The following NOS2 variants were observed in gnomAD, a reference collection of about 807,000 sequenced individuals.
NOS2 encodes nitric oxide synthase, inducible.
NOS2 carries 96 observed loss-of-function variants against 136.0 expected under a neutral mutation model. That is an observed-to-expected ratio of 0.71 (90% CI 0.60 to 0.84). NOS2 has a LOEUF of 0.84. Ranked by LOEUF, NOS2 falls within the 40% of genes least tolerant of loss-of-function variation. NOS2 has a pLI of 0.00. For missense variants in NOS2, 1,237 were observed against 1,496.9 expected (o/e 0.83, Z 2.87); for synonymous variants, 539 against 587.5 (o/e 0.92, Z 1.20).
At position 27,773,238 on chromosome 17, in the gene NOS2, CT is replaced by C. The variant is rs1293601516; in HGVS notation, c.1481del (p.Glu494GlyfsTer22). The C allele has an allele frequency of 6.2e-7, 1 of 1,613,162 alleles. No individual in the cohort carries two copies. Among genetic ancestry groups the C allele is most frequent in the African/African-American group, 1.3e-5 (1 of 74,994 alleles). ...VLSPFYYYQVEAWKTHVWQDE... is the reference protein window; with the variant it reads ...VLSPFYYYQVXAWKTHVWQDE... Reference sequence around the variant, plus strand: ...CCTGCCAGACATGGGTTTTCCAGGCCTCTACCTTCAGAAAAGAAAGGAGATG... The same window carrying C: ...CCTGCCAGACATGGGTTTTCCAGGCCCTACCTTCAGAAAAGAAAGGAGATG... On this transcript the variant is annotated frameshift_variant, in exon 13 of 27. Transcript: ENST00000313735. LOFTEE classifies it high-confidence loss of function.
chr17:27,760,488 G>A (rs1908082972), intron 24 of NOS2, 135 bp downstream of exon 24: 2 of 1,195,496 alleles, frequency 1.7e-6, no homozygotes, highest in Middle Eastern at 2.3e-4. Flanking sequence ...AACCCGCAGA[G>A]GCCCGCACAG....
At chr17:27,776,145 A>C (rs945098989) in intron 11 of NOS2, among the ~76,000 whole-genome samples, 4 of 152,160 alleles carry the variant, frequency 2.6e-5, no homozygotes, top group African/African-American at 9.6e-5. Flanking sequence ...GACTTGTGAG[A>C]GGGGTGCAAG....
chr17:27,768,874 A>G lies in NOS2; in HGVS notation c.2034+103T>C, dbSNP rs1036437141. The G allele has an allele frequency of 5.4e-5, 69 of 1,269,312 alleles. No homozygotes were observed. The African/African-American group carries it at 9.3e-4, about 17-fold the overall frequency. 78.6% of individuals were successfully genotyped at this position (1,269,312 alleles called of 1,614,324 possible). On this transcript the variant is annotated intron_variant, in intron 17 of 26. Transcript: ENST00000313735. Reference sequence around the variant, plus strand: ...TGCCTGGGACCACATCTACAGGACCACAGGCAGAGGTCATGCCACCTGGGA... The same window carrying G: ...TGCCTGGGACCACATCTACAGGACCGCAGGCAGAGGTCATGCCACCTGGGA...
intron 5 of NOS2, 28 bp from the exon 6 acceptor site, chr17:27,783,134 T>A (rs1908906469): frequency 6.2e-7 from 1 of 1,612,498 alleles, no homozygotes; most frequent in Non-Finnish European, 8.5e-7. Flanking sequence ...AGCAGGAAGA[T>A]CAACAATGAG....
Position 27,762,796 on chromosome 17 carries a change from A to C in NOS2, c.2800+2T>G, listed in dbSNP as rs1597543998. ...GTTCCAGAGCCTCTGCCCCTGGCTC[A>C]CCTCGGGTGTGGTAGGTGACCACGG... On this transcript the variant is annotated splice_donor_variant, in intron 22 of 26. Coordinates refer to ENST00000313735, the MANE Select transcript of NOS2 (RefSeq NM_000625.4). LOFTEE classifies it high-confidence loss of function. 1 of 1,545,788 alleles carries C rather than the reference A, an allele frequency of 6.5e-7. No homozygotes were observed. Among genetic ancestry groups the C allele is most frequent in the Non-Finnish European group, 8.7e-7 (1 of 1,145,556 alleles).
intron 2 of NOS2, among the ~76,000 whole-genome samples, chr17:27,798,176 A>G (rs1445307226): frequency 6.6e-6 from 1 of 152,180 alleles, no homozygotes; most frequent in Non-Finnish European, 1.5e-5. Flanking sequence ...ACAGGTGAGC[A>G]CTAAGTTTCA....
Position 27,780,766 on chromosome 17 carries a change from C to A in NOS2, c.1004+1G>T, listed in dbSNP as rs2151331397. On this transcript the variant is annotated splice_donor_variant, in intron 9 of 26. Transcript: ENST00000313735. LOFTEE classifies it high-confidence loss of function. ...GCCCCCAGCACCCTCAGCCTACTTA[C>A]TTGGGATGTTCCATGGCCACCTCAA... 6.2e-7 allele frequency: 1 copy of A among 1,614,222 alleles called. No individual in the cohort carries two copies. Among genetic ancestry groups the A allele is most frequent in the East Asian group, 2.2e-5 (1 of 44,870 alleles).
intron 6 of NOS2, 134 bp from the exon 7 acceptor site, chr17:27,782,240 G>A (rs2142518268): frequency 1.4e-6 from 1 of 739,894 alleles, no homozygotes; most frequent in African/African-American, 1.7e-5. Context: ...ATGCCGAAGA[G>A]TGCAGCCTCC....
At chr17:27,772,072 G>GATTC (rs1908512337) in intron 14 of NOS2, among the ~76,000 whole-genome samples, 1 of 152,232 alleles carries the variant, frequency 6.6e-6, no homozygotes, top group African/African-American at 2.4e-5. Context: ...TTGAGGCCTG[G>GATTC]ATTCATTGTG....
intron 2 of NOS2, among the ~76,000 whole-genome samples, chr17:27,796,245 T>C (rs757857755): frequency 6.6e-6 from 1 of 152,000 alleles, no homozygotes; most frequent in Admixed American, 6.6e-5. Context: ...AGGTCAGGGG[T>C]TCGAGACCAG....
Position 27,778,926 on chromosome 17 carries a change from C to T in NOS2, c.1135G>A (p.Gly379Arg), listed in dbSNP as rs200391593. The T allele has an allele frequency of 2.7e-5, 44 of 1,610,726 alleles. No homozygotes were observed. Among genetic ancestry groups the T allele is most frequent in the South Asian group, 3.3e-5 (3 of 90,744 alleles). Residue 379 changes from glycine to arginine, a missense_variant, in exon 10 of 27, where the codon GGA becomes AGA. Physicochemically the swap from Gly to Arg is moderately radical, Grantham distance 125. Transcript: ENST00000313735. ...TGGACGTCACAGAAGTCCCGGACTCCGATCTCTGTGCCCATGTACCAGCCA... is the reference window on the plus strand; with the variant it reads ...TGGACGTCACAGAAGTCCCGGACTCTGATCTCTGTGCCCATGTACCAGCCA... ...FNGWYMGTEI[G>R]VRDFCDVQRY...
At chr17:27,766,433 C>G in intron 19 of NOS2, 77 bp downstream of exon 19, 1 of 1,300,502 alleles carries the variant, frequency 7.7e-7, no homozygotes, top group Non-Finnish European at 1.1e-6. Flanking sequence ...CCTTCAAAGA[C>G]TGACTTCTTC....
In NOS2 at chr17:27,787,641, GGCAGGAGGCAGCGACCCT is replaced by G. The variant is rs755113180; in HGVS notation, c.467+19_467+36del. 1.3e-6 allele frequency: 2 copies of G among 1,529,626 alleles called. No homozygotes were observed. Among genetic ancestry groups the G allele is most frequent in the South Asian group, 2.3e-5 (2 of 85,350 alleles). The allele number at this position is 1,529,626 out of a possible 1,614,324, so 94.8% of individuals were successfully genotyped here. A position where few individuals can be genotyped will look rare whatever the true frequency, so the allele number is the denominator to read the frequency against. On this transcript the variant is annotated intron_variant, in intron 5 of 26. Transcript: ENST00000313735. The stretch of plus-strand genomic sequence containing the variant: ...GTAGAGACAGGAGAGCAGGAGGAAG[GGCAGGAGGCAGCGACCCT>G]GCAGGAGGCAAGCCTTACTCTTTGA...
At chr17:27,757,716 AGTCTT>A (rs1297341812) in intron 26 of NOS2, among the ~76,000 whole-genome samples, 3 of 152,324 alleles carry the variant, frequency 2.0e-5, no homozygotes, top group Non-Finnish European at 4.4e-5. Flanking sequence ...GGCTCCCAGA[AGTCTT>A]GTAGTAAAGC....
In NOS2 at chr17:27,757,066, G is replaced by A; in HGVS notation, c.*180C>T. The A allele has an allele frequency of 1.8e-6, 1 of 551,702 alleles. No individual in the cohort carries two copies. The highest frequency in any genetic ancestry group is 2.5e-5 in the South Asian group (1 of 40,648). 34.2% of individuals were successfully genotyped at this position (551,702 alleles called of 1,614,324 possible). A position where few individuals can be genotyped will look rare whatever the true frequency, so the allele number is the denominator to read the frequency against. ...AGAGAGGAGGCTCCGATCAATCCAG[G>A]GTGCTACTTGTTAGGAGGTCAAGTA... On this transcript the variant is annotated 3_prime_UTR_variant, in exon 27 of 27. Coordinates refer to ENST00000313735, the MANE Select transcript of NOS2 (RefSeq NM_000625.4).
At chr17:27,766,222 G>C (rs772981609) in intron 19 of NOS2, among the ~76,000 whole-genome samples, 4 of 152,198 alleles carry the variant, frequency 2.6e-5, no homozygotes, top group Non-Finnish European at 5.9e-5. Context: ...AACAGTTTAA[G>C]TCTCTCTTGC....
Position 27,771,019 on chromosome 17 carries a change from T to C in NOS2, c.1705-2A>G. 1 of 1,612,474 alleles carries C rather than the reference T, an allele frequency of 6.2e-7. No homozygotes were observed. On this transcript the variant is annotated splice_acceptor_variant, in intron 14 of 26. Transcript: ENST00000313735. LOFTEE classifies it high-confidence loss of function. The stretch of plus-strand genomic sequence containing the variant: ...CCTGTACTTATCCATGCAGACAACC[T>C]GGATGGCACCCAAGTGGACATCAGC...
intron 11 of NOS2, among the ~76,000 whole-genome samples, chr17:27,777,171 G>C (rs560364649): frequency 1.6e-4 from 24 of 152,324 alleles, no homozygotes; most frequent in Non-Finnish European, 2.8e-4. Context: ...CAGTCATGGG[G>C]AACAGTGTGT....
At chr17:27,781,672 G>T (rs897936562) in intron 7 of NOS2, among the ~76,000 whole-genome samples, 3 of 152,162 alleles carry the variant, frequency 2.0e-5, no homozygotes, top group Non-Finnish European at 4.4e-5. Flanking sequence ...TGACCTCGTT[G>T]GTTGGGAGAG....
Sources: gnomAD v4.1 joint callset for allele counts (sites outside exome capture counted in the v4.1 genomes callset) on GRCh38, gnomAD v4.1.1 for gene constraint, MANE v1.5 for transcripts, NCBI Gene and HGNC (gene_info 2026-07-23, HGNC 2026-07-21) for gene names.